Variants in ADAMTSL1 observed in about 807,000 individuals in gnomAD.
The protein encoded by ADAMTSL1 is ADAMTS-like protein 1.
In ADAMTSL1, 126 loss-of-function variants were observed where a neutral mutation model predicts 201.8. That is an observed-to-expected ratio of 0.62 (90% CI 0.54 to 0.72). The LOEUF (loss-of-function observed/expected upper bound fraction) is 0.72, where lower values mean the gene tolerates loss of function less well. ADAMTSL1 is among the 30% of genes least tolerant of loss of function. The probability of loss-of-function intolerance (pLI) is 0.00; values close to 1 mark genes in which losing one functional copy is unlikely to be tolerated. For missense variants in ADAMTSL1, 2,679 were observed against 2,277.8 expected, an observed-to-expected ratio of 1.18 and a Z score of -3.59; for synonymous variants, 1,121 against 903.4, an observed-to-expected ratio of 1.24 and a Z score of -4.32.
At chr9:18,592,594 T>A (rs1399919554) in intron 4 of ADAMTSL1, among the ~76,000 whole-genome samples, 2 of 152,142 alleles carry the variant, frequency 1.3e-5, no homozygotes, top group African/African-American at 2.4e-5. Flanking sequence ...TTGCAAAACT[T>A]CTCAGTACCA....
At position 18,558,617 on chromosome 9, in the gene ADAMTSL1, C is replaced by G. The variant is rs1240715285; in HGVS notation, c.238-15413C>G. On this transcript the variant is annotated intron_variant, in intron 3 of 28. Coordinates refer to ENST00000380548, the MANE Select transcript of ADAMTSL1 (RefSeq NM_001040272.6). Reference sequence around the variant, plus strand: ...TCCACAATGGTTAAACTAACTTACACTTCCATCAACAGTGTAAAAGTGTTC... The same window carrying G: ...TCCACAATGGTTAAACTAACTTACAGTTCCATCAACAGTGTAAAAGTGTTC... 2.6e-5 allele frequency among the ~76,000 whole-genome samples: 4 copies of G among 152,244 alleles called. No homozygotes were observed. The East Asian group carries it at 7.7e-4, about 29-fold the overall frequency.
At chr9:18,393,381 G>T (rs1459079263) in intron 2 of ADAMTSL1, among the ~76,000 whole-genome samples, 2 of 152,118 alleles carry the variant, frequency 1.3e-5, no homozygotes, top group Non-Finnish European at 2.9e-5. Context: ...AAAGGGGAAG[G>T]TAATGACTCA....
intron 1 of ADAMTSL1, among the ~76,000 whole-genome samples, chr9:18,496,624 T>C (rs1159112985): frequency 6.6e-6 from 1 of 152,230 alleles, no homozygotes; most frequent in African/African-American, 2.4e-5. Context: ...CAGTTATAAT[T>C]TGGGTTTTTT....
intron 1 of ADAMTSL1, among the ~76,000 whole-genome samples, chr9:17,933,613 G>A (rs895207396): frequency 6.6e-6 from 1 of 152,148 alleles, no homozygotes; most frequent in African/African-American, 2.4e-5. Flanking sequence ...CAGTTCTGCA[G>A]GAACTATAGG....
At chr9:17,950,242 T>A (rs536955123) in intron 1 of ADAMTSL1, among the ~76,000 whole-genome samples, 11 of 152,256 alleles carry the variant, frequency 7.2e-5, no homozygotes, top group Admixed American at 1.3e-4. Context: ...TTCAAAATTA[T>A]ATTTAAAAAC....
upstream of ADAMTSL1, among the ~76,000 whole-genome samples, chr9:18,473,677 G>A (rs926378489): frequency 3.3e-5 from 5 of 152,068 alleles, no homozygotes; most frequent in African/African-American, 1.2e-4. Context: ...TTTTGTCTAT[G>A]GTTCTTTCCC....
chr9:18,099,908 G>C (rs145362592), intron 1 of ADAMTSL1, among the ~76,000 whole-genome samples: 424 of 152,184 alleles, frequency 2.8e-3, no homozygotes, highest in African/African-American at 9.5e-3. Context: ...TTACAGGTGT[G>C]AGCCGCTGCG....
rs769277257 is a variant in ADAMTSL1 at position 18,504,855 on chromosome 9, G to A, written c.90G>A (p.Glu30=). ...LLSSRTARSE[E]DRDGLWDAWG... ...GTTCCAGGACCGCACGCTCCGAGGA[G>A]GACCGGGACGGCCTATGGGATGCCT... The change falls in exon 2 of 29, where the codon GAG becomes GAA. Residue 30 remains glutamate (E), a synonymous_variant. Transcript: ENST00000380548. The A allele has an allele frequency of 6.2e-7, 1 of 1,614,120 alleles. No individual in the cohort carries two copies. Among genetic ancestry groups the A allele is most frequent in the South Asian group, 1.1e-5 (1 of 91,082 alleles).
intron 2 of ADAMTSL1, among the ~76,000 whole-genome samples, chr9:18,348,075 G>A (rs139041725): frequency 1.1e-4 from 17 of 152,266 alleles, no homozygotes; most frequent in Middle Eastern, 3.4e-3. Context: ...AAATAGACCC[G>A]AATTAGTTTA....
In ADAMTSL1 at chr9:18,352,404, A is replaced by G. The variant is rs193148546; in HGVS notation, c.208-152425A>G. Among the ~76,000 whole-genome samples the G allele has an allele frequency of 8.5e-5, 13 of 152,322 alleles. No homozygotes were observed. The South Asian group carries it at 1.0e-3, about 12-fold the overall frequency. ...AATCTTCCTTCTACCCATCCTACAG[A>G]TCAGTATCCTGAGAACATGTGCCAA... On this transcript the variant is annotated intron_variant, in intron 2 of 29. Coordinates refer to the ADAMTSL1 transcript ENST00000680146.
At chr9:18,748,410 C>A (rs1400267826) in intron 15 of ADAMTSL1, among the ~76,000 whole-genome samples, 1 of 152,188 alleles carries the variant, frequency 6.6e-6, no homozygotes, top group Non-Finnish European at 1.5e-5. Flanking sequence ...TTGTATAACA[C>A]CCCTAGCAAT....
chr9:18,072,344 T>A (rs1823007678), intron 1 of ADAMTSL1, among the ~76,000 whole-genome samples: 1 of 152,196 alleles, frequency 6.6e-6, no homozygotes, highest in Non-Finnish European at 1.5e-5. Context: ...CTGTCCAATG[T>A]GAGTCTTGGA....
At chr9:18,800,219 A>G (rs1822697200) in intron 20 of ADAMTSL1, among the ~76,000 whole-genome samples, 1 of 152,090 alleles carries the variant, frequency 6.6e-6, no homozygotes, top group Middle Eastern at 3.4e-3. Flanking sequence ...TCTACTAAAA[A>G]TATAAATATT....
At chr9:18,139,310 T>G (rs898216380) in intron 1 of ADAMTSL1, among the ~76,000 whole-genome samples, 1 of 152,158 alleles carries the variant, frequency 6.6e-6, no homozygotes, top group African/African-American at 2.4e-5. Context: ...TGGCAGCATA[T>G]TTACCTGATT....
chr9:18,545,069 T>C (rs1432265507), intron 3 of ADAMTSL1, among the ~76,000 whole-genome samples: 3 of 152,130 alleles, frequency 2.0e-5, no homozygotes, highest in African/African-American at 7.2e-5. Context: ...TAAAGACTGA[T>C]TACATACCTC....
intron 20 of ADAMTSL1, among the ~76,000 whole-genome samples, chr9:18,798,680 T>A (rs1476020061): frequency 1.3e-5 from 2 of 152,116 alleles, no homozygotes; most frequent in African/African-American, 4.8e-5. Context: ...GGAGATGGCT[T>A]GTGATGAATA....
intron 1 of ADAMTSL1, among the ~76,000 whole-genome samples, chr9:18,086,347 C>G (rs904724590): frequency 6.6e-6 from 1 of 151,980 alleles, no homozygotes; most frequent in African/African-American, 2.4e-5. Flanking sequence ...TTAAATAAAA[C>G]AGAGTGACCA....
intron 20 of ADAMTSL1, among the ~76,000 whole-genome samples, chr9:18,802,818 TCCA>T (rs1822884049): frequency 6.6e-6 from 1 of 152,228 alleles, no homozygotes; most frequent in African/African-American, 2.4e-5. Context: ...ACTTTACATT[TCCA>T]CCAGCAATGT....
intron 1 of ADAMTSL1, among the ~76,000 whole-genome samples, chr9:18,012,622 G>A (rs1164895778): frequency 6.6e-6 from 1 of 152,034 alleles, no homozygotes; most frequent in Non-Finnish European, 1.5e-5. Context: ...TGCTGAGACA[G>A]GTGACAGAAC....
Sources: allele counts gnomAD v4.1 joint callset (sites outside exome capture counted in the v4.1 genomes callset), GRCh38; gene constraint gnomAD v4.1.1; transcripts MANE v1.5; gene names NCBI Gene and HGNC (gene_info 2026-07-23, HGNC 2026-07-21).